LTBP1: variants seen among roughly 807,000 people sequenced by gnomAD.
LTBP1 encodes the protein latent transforming growth factor beta binding protein 1.
LTBP1 carries 129 observed loss-of-function variants against 207.6 expected under a neutral mutation model. The ratio of observed to expected loss-of-function variants is 0.62; its 90% CI spans 0.54 to 0.72. LTBP1 has a LOEUF of 0.72. Among genes scored for constraint, LTBP1 ranks in the 30% least tolerant of loss-of-function variants. The pLI, the probability that LTBP1 is intolerant of heterozygous loss-of-function variation, is 0.00. For synonymous variants in LTBP1, 963 were observed against 833.7 expected, an observed-to-expected ratio of 1.16 and a Z score of -2.67; for missense variants, 2,281 against 2,217.2, an observed-to-expected ratio of 1.03 and a Z score of -0.58.
intron 2 of LTBP1, among the ~76,000 whole-genome samples, chr2:32,973,681 T>A (rs995008851): frequency 6.6e-6 from 1 of 151,886 alleles, no homozygotes; most frequent in African/African-American, 2.4e-5. Flanking sequence ...AGACAATAGG[T>A]CTTATTCATT....
At chr2:33,106,081 C>A (rs1343293366) in intron 3 of LTBP1, among the ~76,000 whole-genome samples, 2 of 152,314 alleles carry the variant, frequency 1.3e-5, no homozygotes, top group Admixed American at 6.5e-5. Flanking sequence ...AACCATGTTT[C>A]TTTGCTCATC....
At chr2:33,159,685 A>T (rs2148071367) in intron 5 of LTBP1, among the ~76,000 whole-genome samples, 1 of 152,268 alleles carries the variant, frequency 6.6e-6, no homozygotes, top group East Asian at 1.9e-4. Flanking sequence ...TTAGAGAAGA[A>T]TTCCCAGATT....
intron 7 of LTBP1, among the ~76,000 whole-genome samples, chr2:33,190,763 A>C (rs2087771784): frequency 6.6e-6 from 1 of 152,154 alleles, no homozygotes; most frequent in Non-Finnish European, 1.5e-5. Flanking sequence ...TTTTTATATC[A>C]TGTGCTTTCA....
At chr2:33,003,634 G>T (rs1686362683) in intron 2 of LTBP1, among the ~76,000 whole-genome samples, 1 of 152,204 alleles carries the variant, frequency 6.6e-6, no homozygotes, top group South Asian at 2.1e-4. Flanking sequence ...AGGCAGGGTG[G>T]TAGAGCTTCC....
intron 5 of LTBP1, among the ~76,000 whole-genome samples, chr2:33,135,424 T>A (rs2082065090): frequency 6.6e-6 from 1 of 152,204 alleles, no homozygotes; most frequent in South Asian, 2.1e-4. Context: ...CCGAGGATTG[T>A]CAAAAACCTG....
At chr2:32,972,202 A>C (rs1479799765) in intron 2 of LTBP1, among the ~76,000 whole-genome samples, 1 of 120,384 alleles carries the variant, frequency 8.3e-6, no homozygotes, top group Non-Finnish European at 1.8e-5. Flanking sequence ...TTTTTTTCTT[A>C]GTCTAGCAGT....
rs1183951890 is a variant in LTBP1, at chr2:33,389,186, G to T, written c.4714G>T (p.Asp1572Tyr). ...CALCPLKDSD[D>Y]YAQLCNIPVT... ...CATGCTGCTTGTCTACTCCTTAGATGACTATGCTCAGCTGTGTAACATCCC... is the reference window on the plus strand; with the variant it reads ...CATGCTGCTTGTCTACTCCTTAGATTACTATGCTCAGCTGTGTAACATCCC... Residue 1572 changes from aspartate (D) to tyrosine (Y), a missense_variant and splice_region_variant, in exon 32 of 34, where the codon GAC becomes TAC. Physicochemically the swap from Asp to Tyr is radical, Grantham distance 160. This residue lies in a region of LTBP1 where 1,671 missense variants were observed against 1,634.8 expected (regional missense o/e 1.02). Coordinates refer to ENST00000404816, the MANE Select transcript of LTBP1 (RefSeq NM_206943.4). 62 of 1,613,992 alleles carry T rather than the reference G, an allele frequency of 3.8e-5. No homozygotes were observed. The highest frequency in any genetic ancestry group is 5.2e-5 in the Non-Finnish European group (61 of 1,180,024).
intron 5 of LTBP1, among the ~76,000 whole-genome samples, chr2:33,150,060 T>G (rs1182315440): frequency 6.6e-6 from 1 of 152,174 alleles, no homozygotes; most frequent in African/African-American, 2.4e-5. Flanking sequence ...GAAAAACCTC[T>G]TTGGGGCCAA....
intron 31 of LTBP1, among the ~76,000 whole-genome samples, chr2:33,370,272 C>G (rs911067270): frequency 5.9e-5 from 9 of 152,196 alleles, no homozygotes; most frequent in South Asian, 4.1e-4. Context: ...CTACAGTTAC[C>G]TAATAGCATG....
chr2:33,138,374 G>C (rs377554106), intron 5 of LTBP1, among the ~76,000 whole-genome samples: 1 of 152,070 alleles, frequency 6.6e-6, no homozygotes, highest in East Asian at 1.9e-4. Context: ...TATGGATAGT[G>C]ATTTTGATAT....
At chr2:33,023,207 A>G (rs1342337215) in intron 3 of LTBP1, among the ~76,000 whole-genome samples, 1 of 152,204 alleles carries the variant, frequency 6.6e-6, no homozygotes, top group Non-Finnish European at 1.5e-5. Flanking sequence ...TGTGAATTGC[A>G]ATTAGTTTTT....
At chr2:33,051,765 C>G (rs1378761797) in intron 3 of LTBP1, among the ~76,000 whole-genome samples, 1 of 152,156 alleles carries the variant, frequency 6.6e-6, no homozygotes, top group Non-Finnish European at 1.5e-5. Flanking sequence ...ATGTTGGTGA[C>G]TCATTCAAAG....
intron 15 of LTBP1, among the ~76,000 whole-genome samples, chr2:33,271,061 G>A (rs1201178943): frequency 6.6e-6 from 1 of 152,158 alleles, no homozygotes; most frequent in Non-Finnish European, 1.5e-5. Context: ...GCAATTTGTG[G>A]CATAGGAATA....
intron 5 of LTBP1, among the ~76,000 whole-genome samples, chr2:33,161,829 C>T (rs1190918182): frequency 6.6e-6 from 1 of 152,156 alleles, no homozygotes; most frequent in Admixed American, 6.5e-5. Flanking sequence ...TATTGATGAT[C>T]AGTCTTAGGA....
intron 5 of LTBP1, among the ~76,000 whole-genome samples, chr2:33,149,111 A>T (rs2083289227): frequency 6.6e-6 from 1 of 151,604 alleles, no homozygotes; most frequent in Admixed American, 6.6e-5. Context: ...GCTACTCTGG[A>T]GGCTGAGGCA....
chr2:33,175,403 A>G (rs1558755462), intron 5 of LTBP1, among the ~76,000 whole-genome samples: 1 of 152,064 alleles, frequency 6.6e-6, no homozygotes, highest in Non-Finnish European at 1.5e-5. Flanking sequence ...ACATGAAAAA[A>G]TGCTCATCAT....
chr2:33,363,873 C>T (rs374231887), intron 29 of LTBP1, among the ~76,000 whole-genome samples: 34 of 152,128 alleles, frequency 2.2e-4, no homozygotes, highest in Admixed American at 8.5e-4. Context: ...AATGCTTAAG[C>T]AGAAAACCAT....
chr2:33,030,539 G>A (rs1236689278), intron 3 of LTBP1, among the ~76,000 whole-genome samples: 2 of 152,198 alleles, frequency 1.3e-5, no homozygotes, highest in Non-Finnish European at 2.9e-5. Flanking sequence ...CTTGAAAGGT[G>A]AAAGGTGACC....
chr2:33,178,052 G>A (rs1183013383), intron 5 of LTBP1, among the ~76,000 whole-genome samples: 1 of 152,216 alleles, frequency 6.6e-6, no homozygotes, highest in East Asian at 1.9e-4. Flanking sequence ...AAAGGAACCT[G>A]TGGATTGTGT....
Sources: allele counts gnomAD v4.1 joint callset (sites outside exome capture counted in the v4.1 genomes callset), GRCh38; gene constraint gnomAD v4.1.1; regional missense constraint gnomAD v4.1.1; transcripts MANE v1.5; gene names NCBI Gene and HGNC (gene_info 2026-07-23, HGNC 2026-07-21).